Variants in IQCM observed in about 807,000 individuals in gnomAD.
The protein encoded by IQCM is IQ domain-containing protein M.
IQCM carries 45 observed loss-of-function variants against 57.6 expected under a neutral mutation model. The ratio of observed to expected loss-of-function variants is 0.78; its 90% confidence interval spans 0.62 to 1.00. The LOEUF (loss-of-function observed/expected upper bound fraction) is 1.00, where lower values mean the gene tolerates loss of function less well. IQCM is among the 50% of genes least tolerant of loss of function. IQCM has a pLI of 0.00. For missense variants in IQCM, 468 were observed against 511.6 expected (o/e 0.91, Z 0.82); for synonymous variants, 148 against 158.9 (o/e 0.93, Z 0.51).
intron 12 of IQCM, among the ~76,000 whole-genome samples, chr4:149,529,245 G>C (rs1746492089): frequency 6.6e-6 from 1 of 152,082 alleles, no homozygotes; most frequent in Non-Finnish European, 1.5e-5. Context: ...TGTATTTTTA[G>C]TAGAGATGGG....
chr4:149,464,130 G>A (rs890721805), intron 12 of IQCM, among the ~76,000 whole-genome samples: 4 of 151,916 alleles, frequency 2.6e-5, no homozygotes, highest in South Asian at 2.1e-4. Context: ...TCTGCTACTC[G>A]GCTAACTAAA....
At chr4:149,667,902 AG>A (rs1379150071) in intron 7 of IQCM, among the ~76,000 whole-genome samples, 2 of 152,056 alleles carry the variant, frequency 1.3e-5, no homozygotes. Context: ...GAACAAAAAA[AG>A]CTTCCAAGAA....
intron 8 of IQCM, among the ~76,000 whole-genome samples, chr4:149,617,722 G>A (rs1330446090): frequency 1.3e-5 from 2 of 151,990 alleles, no homozygotes; most frequent in Non-Finnish European, 2.9e-5. Flanking sequence ...TAATGATCAA[G>A]TTGGAAACCA....
intron 12 of IQCM, among the ~76,000 whole-genome samples, chr4:149,527,520 C>G (rs913156896): frequency 6.6e-6 from 1 of 152,184 alleles, no homozygotes; most frequent in African/African-American, 2.4e-5. Context: ...AATTTGGCAG[C>G]CCCTTGATCT....
At position 149,751,546 on chromosome 4, in the gene IQCM, A is replaced by C. The variant is rs1224612930; in HGVS notation, c.-48-8807T>G. 2.0e-5 allele frequency among the ~76,000 whole-genome samples: 3 copies of C among 152,166 alleles called. No homozygotes were observed. In the East Asian group the frequency reaches 5.8e-4, roughly 29 times the overall value. Reference sequence around the variant, plus strand: ...GCACAGTCCCAGAAATTAGGACAGCAATTTCCTTAACCCTCATAGACTAAG... The same window carrying C: ...GCACAGTCCCAGAAATTAGGACAGCCATTTCCTTAACCCTCATAGACTAAG... On this transcript the variant is annotated intron_variant, in intron 2 of 13. Transcript: ENST00000636793.
intron 5 of IQCM, among the ~76,000 whole-genome samples, chr4:149,713,396 T>C (rs1294758059): frequency 6.6e-6 from 1 of 152,160 alleles, no homozygotes. Flanking sequence ...TAGTTAAATG[T>C]CTTTCTATCC....
At chr4:149,441,710 T>G (rs1735957289) in intron 12 of IQCM, among the ~76,000 whole-genome samples, 1 of 152,142 alleles carries the variant, frequency 6.6e-6, no homozygotes. Flanking sequence ...TCATGTGTAT[T>G]ATGGGAATTC....
At chr4:149,352,705 A>T (rs1728662436) in intron 13 of IQCM, among the ~76,000 whole-genome samples, 1 of 152,198 alleles carries the variant, frequency 6.6e-6, no homozygotes, top group Non-Finnish European at 1.5e-5. Context: ...GACAAACAGT[A>T]TTGACTTTTT....
At chr4:149,534,209 A>C (rs1180537948) in intron 12 of IQCM, among the ~76,000 whole-genome samples, 1 of 152,180 alleles carries the variant, frequency 6.6e-6, no homozygotes, top group Non-Finnish European at 1.5e-5. Context: ...GTTAAGAGCC[A>C]CTAAATATTG....
intron 13 of IQCM, among the ~76,000 whole-genome samples, chr4:149,381,899 C>A (rs1158244053): frequency 6.6e-6 from 1 of 151,944 alleles, no homozygotes; most frequent in African/African-American, 2.4e-5. Context: ...CTCAGCTTCC[C>A]GAGTAGCTGG....
rs188427745 is a variant in IQCM at position 149,459,748 on chromosome 4, G to A, written c.1229-26191C>T. Among the ~76,000 whole-genome samples the A allele has an allele frequency of 1.6e-3, 251 of 152,134 alleles. 1 individual carries two copies. Among genetic ancestry groups the A allele is most frequent in the Non-Finnish European group, 2.3e-3 (158 of 68,020 alleles). ...AATGTCCTCAAGATTAATTTATGTC[G>A]TAGTATATTCCAGAATTTCCTTTCT... On this transcript the variant is annotated intron_variant, in intron 12 of 13. Coordinates refer to ENST00000636793, the MANE Select transcript of IQCM (RefSeq NM_001363507.2).
At chr4:149,714,062 C>G (rs1010273425) in intron 5 of IQCM, among the ~76,000 whole-genome samples, 3 of 152,126 alleles carry the variant, frequency 2.0e-5, no homozygotes, top group Non-Finnish European at 4.4e-5. Context: ...GAATTGATCA[C>G]GCTACTAAAA....
chr4:149,375,936 A>G (rs969286471), intron 13 of IQCM, among the ~76,000 whole-genome samples: 3 of 152,190 alleles, frequency 2.0e-5, no homozygotes, highest in Non-Finnish European at 4.4e-5. Flanking sequence ...TTTTACAAAC[A>G]TATTAAAATC....
At chr4:149,662,406 G>A (rs978991264) in intron 7 of IQCM, among the ~76,000 whole-genome samples, 11 of 151,948 alleles carry the variant, frequency 7.2e-5, no homozygotes, top group Admixed American at 6.6e-4. Context: ...TGGATGGCAT[G>A]TTCCATAAAT....
chr4:149,625,561 T>C (rs1342510925), intron 7 of IQCM, among the ~76,000 whole-genome samples: 1 of 152,198 alleles, frequency 6.6e-6, no homozygotes, highest in Non-Finnish European at 1.5e-5. Flanking sequence ...AAATGTGGTA[T>C]GACCTTAGTA....
rs572044737 is a variant in IQCM at position 149,411,107 on chromosome 4, A to G, written c.1390+22289T>C. Among the ~76,000 whole-genome samples the G allele has an allele frequency of 2.0e-5, 3 of 152,234 alleles. No homozygotes were observed. The South Asian group carries it at 6.2e-4, about 32-fold the overall frequency. On this transcript the variant is annotated intron_variant, in intron 13 of 13. Coordinates refer to ENST00000636793, the MANE Select transcript of IQCM (RefSeq NM_001363507.2). The stretch of plus-strand genomic sequence containing the variant: ...AAAAAAACTGAAGTTCATCAAAATC[A>G]CCTATTACATCATAGCACTTCTATT...
chr4:149,469,029 G>C (rs1417101372), intron 12 of IQCM, among the ~76,000 whole-genome samples: 1 of 152,146 alleles, frequency 6.6e-6, no homozygotes, highest in Non-Finnish European at 1.5e-5. Context: ...GGAGAAATGA[G>C]AGCAGTAAAA....
intron 13 of IQCM, among the ~76,000 whole-genome samples, chr4:149,359,053 A>T (rs1301092049): frequency 6.6e-6 from 1 of 152,158 alleles, no homozygotes; most frequent in East Asian, 1.9e-4. Context: ...CTGTTTCCAT[A>T]AGCTGGGTAG....
At chr4:149,472,265 C>T (rs1366519021) in intron 12 of IQCM, among the ~76,000 whole-genome samples, 1 of 152,182 alleles carries the variant, frequency 6.6e-6, no homozygotes, top group East Asian at 1.9e-4. Context: ...TAAACAACTT[C>T]AGCAAAGTCT....
Sources: gnomAD v4.1 joint callset for allele counts (sites outside exome capture counted in the v4.1 genomes callset) on GRCh38, gnomAD v4.1.1 for gene constraint, MANE v1.5 for transcripts, NCBI Gene and HGNC (gene_info 2026-07-23, HGNC 2026-07-21) for gene names.